SBF1: variants seen among roughly 807,000 people sequenced by gnomAD.
SBF1 encodes myotubularin-related protein 5.
Under a neutral mutation model 215.8 loss-of-function variants are expected in SBF1, and 65 were observed. The ratio of observed to expected loss-of-function variants is 0.30; its 90% confidence interval spans 0.25 to 0.37. The LOEUF is 0.37. Among genes scored for constraint, SBF1 ranks in the 10% least tolerant of loss-of-function variants. The pLI, the probability that SBF1 is intolerant of heterozygous loss-of-function variation, is 1.00. For missense variants in SBF1, 2,634 were observed against 2,667.8 expected (o/e 0.99, Z 0.28); for synonymous variants, 1,410 against 1,122.8 (o/e 1.26, Z -5.11).
chr22:50,458,402 A>T (rs1000241515), intron 28 of SBF1, among the ~76,000 whole-genome samples: 1 of 150,022 alleles, frequency 6.7e-6, no homozygotes, highest in Non-Finnish European at 1.5e-5. Context: ...ACTGAGGGGG[A>T]CACGGGGAGG....
In SBF1 at chr22:50,456,575, C is replaced by A. The variant is rs1184847576; in HGVS notation, c.4003G>T (p.Ala1335Ser). The A allele has an allele frequency of 6.4e-7, 1 of 1,567,238 alleles. No homozygotes were observed. Among genetic ancestry groups the A allele is most frequent in the Non-Finnish European group, 8.6e-7 (1 of 1,158,058 alleles). Residue 1335 changes from alanine (A) to serine (S), a missense_variant, in exon 30 of 41, where the codon GCC (alanine) becomes TCC (serine). Physicochemically the swap from Ala to Ser is moderately conservative, Grantham distance 99. Coordinates refer to ENST00000380817, the MANE Select transcript of SBF1 (RefSeq NM_002972.4). The stretch of plus-strand genomic sequence containing the variant: ...CCCGGGTCGGGAGGGCCCCCGTTGG[C>A]CTGGGGTGGGGCCAGCGCGTCTCTG... ...AGRDALAPPQANGGPPDPGFL... is the reference protein window; with the variant it reads ...AGRDALAPPQSNGGPPDPGFL...
At position 50,446,894 on chromosome 22, in the gene SBF1, C is replaced by A. The variant is rs995192909; in HGVS notation, c.*248G>T. Reference sequence around the variant, plus strand: ...ACCAGCACACGCTGACGGGGCCGGACTATTTACAGGCCCATTGCGGGCTGT... The same window carrying A: ...ACCAGCACACGCTGACGGGGCCGGAATATTTACAGGCCCATTGCGGGCTGT... On this transcript the variant is annotated 3_prime_UTR_variant, in exon 41 of 41. Transcript: ENST00000380817. 32 of 742,298 alleles carry A rather than the reference C, an allele frequency of 4.3e-5. No individual in the cohort carries two copies. Among genetic ancestry groups the A allele is most frequent in the Non-Finnish European group, 5.9e-5 (24 of 406,606 alleles). The allele number at this position is 742,298 out of a possible 1,614,324, so 46.0% of individuals were successfully genotyped here.
Position 50,459,336 on chromosome 22 carries a change from C to A in SBF1, c.3745G>T (p.Val1249Phe), listed in dbSNP as rs749201163. Residue 1249 changes from valine (V) to phenylalanine (F), a missense_variant, in exon 28 of 41, where the codon GTC becomes TTC. Val to Phe is a conservative substitution (Grantham distance 50). Transcript: ENST00000380817. ...LEQEKYLQAVVSSMPRYADAS... is the reference protein window; with the variant it reads ...LEQEKYLQAVFSSMPRYADAS... Reference sequence around the variant, plus strand: ...TCGGCGTAGCGGGGCATGGAGCTGACCACAGCCTGCAGGTACTTCTCCTGC... The same window carrying A: ...TCGGCGTAGCGGGGCATGGAGCTGAACACAGCCTGCAGGTACTTCTCCTGC... The A allele has an allele frequency of 2.5e-6, 4 of 1,612,734 alleles. No individual in the cohort carries two copies. The highest frequency in any genetic ancestry group is 3.3e-5 in the Admixed American group (2 of 59,972).
chr22:50,456,559 G>A lies in SBF1; in HGVS notation c.4019C>T (p.Pro1340Leu), dbSNP rs1242646985. 2 of 1,583,012 alleles carry A rather than the reference G, an allele frequency of 1.3e-6. No homozygotes were observed. The highest frequency in any genetic ancestry group is 1.3e-5 in the African/African-American group (1 of 74,410). ...LAPPQANGGP[P>L]DPGFLRPQRA... ...CTGCGGACGCAGGAAGCCCGGGTCG[G>A]GAGGGCCCCCGTTGGCCTGGGGTGG... is the stretch of plus-strand genomic sequence containing the variant. The change falls in exon 30 of 41, where the codon CCC becomes CTC. Residue 1340 changes from proline (P) to leucine (L), a missense_variant. Pro to Leu is a moderately conservative substitution (Grantham distance 98). Coordinates refer to ENST00000380817, the MANE Select transcript of SBF1 (RefSeq NM_002972.4).
At position 50,455,351 on chromosome 22, in the gene SBF1, C is replaced by T. The variant is rs776854781; in HGVS notation, c.4427G>A (p.Arg1476His). ...DPFYRTLEGF[R>H]LLVEKEWLSF... is the part of the protein sequence containing the mutation. ...CAGCCACTCCTTCTCCACCAGCAGGCGAAAGCCCTCCAGCGTGCGGTAGAA... is the reference window on the plus strand; with the variant it reads ...CAGCCACTCCTTCTCCACCAGCAGGTGAAAGCCCTCCAGCGTGCGGTAGAA... Residue 1476 changes from arginine (R) to histidine (H), a missense_variant, in exon 33 of 41, where the codon CGC becomes CAC. Arg to His is a conservative substitution (Grantham distance 29). Coordinates refer to ENST00000380817, the MANE Select transcript of SBF1 (RefSeq NM_002972.4). The T allele has an allele frequency of 3.1e-6, 5 of 1,613,510 alleles. No individual in the cohort carries two copies. The highest frequency in any genetic ancestry group is 1.6e-4 in the Middle Eastern group (1 of 6,062).
At position 50,461,494 on chromosome 22, in the gene SBF1, C is replaced by T. The variant is rs968323187; in HGVS notation, c.2839+29G>A. ...TCCCAAAGACCTGGGGGAGAGGGGG[C>T]GACAGGGCCAGAGAGTCTGCAGGCT... On this transcript the variant is annotated intron_variant, in intron 22 of 40. Coordinates refer to ENST00000380817, the MANE Select transcript of SBF1 (RefSeq NM_002972.4). The T allele has an allele frequency of 3.2e-6, 5 of 1,563,736 alleles. No individual in the cohort carries two copies. The African/African-American group carries it at 5.4e-5, about 17-fold the overall frequency.
chr22:50,457,095 G>T lies in SBF1; in HGVS notation c.3843C>A (p.Ala1281=). The T allele has an allele frequency of 6.7e-7, 1 of 1,489,882 alleles. No homozygotes were observed. Among genetic ancestry groups the T allele is most frequent in the East Asian group, 2.7e-5 (1 of 36,516 alleles). 92.3% of individuals were successfully genotyped at this position (1,489,882 alleles called of 1,614,324 possible). Residue 1281 remains alanine (A), a synonymous_variant, in exon 29 of 41, where the codon GCC becomes GCA. Coordinates refer to ENST00000380817, the MANE Select transcript of SBF1 (RefSeq NM_002972.4). ...TGGGGTTGGACAGCGTGGTGACCCT[G>T]GCTCTGGGGCTGGGAACTGAGGGCA... The part of the protein sequence containing the change: ...HMGSHVPSPR[A]RVTTLSNPMA...
rs779453976 is a variant in SBF1 at position 50,448,543 on chromosome 22, A to C, written c.5151T>G (p.Arg1717=). Residue 1717 remains arginine, a splice_region_variant and synonymous_variant, in exon 37 of 41, where the codon CGT becomes CGG. Transcript: ENST00000380817. ...AQRLEGRPDG[R]GTPSSLLVST... ...GACGCTCACACTGGCCCTCACTCAC[A>C]CGGCCGTCTGGCCGGCCCTCGAGGC... 2.5e-6 allele frequency: 4 copies of C among 1,611,992 alleles called. No individual in the cohort carries two copies. In the East Asian group the frequency reaches 8.9e-5, roughly 36 times the overall value.
rs1333371777 is a variant in SBF1 at position 50,447,047 on chromosome 22, G to A, written c.*95C>T. 36 of 1,138,062 alleles carry A rather than the reference G, an allele frequency of 3.2e-5. No homozygotes were observed. Among genetic ancestry groups the A allele is most frequent in the Middle Eastern group, 2.8e-4 (1 of 3,510 alleles). The allele number at this position is 1,138,062 out of a possible 1,614,324, so 70.5% of individuals were successfully genotyped here. ...GGGGGCTCGGGGCCTCAATACTGTCGAGGGCCGGGGCTGTAAACATGGCCG... is the reference window on the plus strand; with the variant it reads ...GGGGGCTCGGGGCCTCAATACTGTCAAGGGCCGGGGCTGTAAACATGGCCG... On this transcript the variant is annotated 3_prime_UTR_variant, in exon 41 of 41. Coordinates refer to ENST00000380817, the MANE Select transcript of SBF1 (RefSeq NM_002972.4).
chr22:50,468,555 G>T, intron 1 of SBF1, 94 bp from the exon 2 acceptor site: 1 of 827,674 alleles, frequency 1.2e-6, no homozygotes, highest in Non-Finnish European at 1.8e-6. Context: ...CCACCCACTG[G>T]GCCCTCATCT....
chr22:50,459,117 G>T, intron 28 of SBF1, 138 bp downstream of exon 28: 1 of 1,288,266 alleles, frequency 7.8e-7, no homozygotes, highest in African/African-American at 1.5e-5. Flanking sequence ...CACCCGGAGG[G>T]CATGCTCCTC....
intron 1 of SBF1, among the ~76,000 whole-genome samples, chr22:50,473,933 G>C (rs953720847): frequency 3.3e-5 from 5 of 152,238 alleles, no homozygotes; most frequent in African/African-American, 1.2e-4. Context: ...GGGCTGCTGG[G>C]AGGAAGAGGT....
chr22:50,468,541 A>C, intron 1 of SBF1, 80 bp from the exon 2 acceptor site: 11 of 865,196 alleles, frequency 1.3e-5, no homozygotes, highest in African/African-American at 1.9e-5. Flanking sequence ...GGGTGGAAAC[A>C]TTCCCACCCA....
At position 50,465,963 on chromosome 22, in the gene SBF1, T is replaced by A; in HGVS notation, c.1009A>T (p.Met337Leu). The A allele has an allele frequency of 6.2e-7, 1 of 1,613,870 alleles. No homozygotes were observed. The highest frequency in any genetic ancestry group is 1.1e-5 in the South Asian group (1 of 91,084). The change falls in exon 9 of 41, where the codon ATG becomes TTG. Residue 337 changes from methionine to leucine, a missense_variant and splice_region_variant. Met to Leu is a conservative substitution (Grantham distance 15). Transcript: ENST00000380817. The stretch of plus-strand genomic sequence containing the variant: ...CGCTTGCCCATGGTGCCCCTCACCA[T>A]GCTCAGCACACTGTGCGTCTGACTC... ...LQSQTHSVLS[M>L]VLDPELELAD...
In SBF1 at chr22:50,446,125, C is replaced by T. The variant is rs147546081; in HGVS notation, c.*1017G>A. The T allele has an allele frequency of 0.013, 1,968 of 152,908 alleles. 32 individuals are homozygous for T. Among genetic ancestry groups the T allele is most frequent in the East Asian group, 0.084 (438 of 5,204 alleles). The allele number at this position is 152,908 out of a possible 1,614,324, so 9.5% of individuals were successfully genotyped here. A position where few individuals can be genotyped will look rare whatever the true frequency, so the allele number is the denominator to read the frequency against. On this transcript the variant is annotated 3_prime_UTR_variant, in exon 41 of 41. Transcript: ENST00000380817. ...CAGCTCAGCAGGTGAAGCCCTGGGC[C>T]TGGTGGGACTCAGGTTTGAATAGGA...
Position 50,446,356 on chromosome 22 carries a change from TCCCCCCCCCC to T in SBF1, c.*776_*785del, listed in dbSNP as rs781361309. Reference sequence around the variant, plus strand: ...CCTGCATTCCCCTGGGAGCCCACTGTCCCCCCCCCCCCCCCGCCTCCGGCCTCCATCCCTT... The same window carrying T: ...CCTGCATTCCCCTGGGAGCCCACTGTCCCCCGCCTCCGGCCTCCATCCCTT... On this transcript the variant is annotated 3_prime_UTR_variant, in exon 41 of 41. Coordinates refer to ENST00000380817, the MANE Select transcript of SBF1 (RefSeq NM_002972.4). 2 of 35,042 alleles carry T rather than the reference TCCCCCCCCCC, an allele frequency of 5.7e-5. No homozygotes were observed. Among genetic ancestry groups the T allele is most frequent in the South Asian group, 1.5e-3 (2 of 1,298 alleles). The allele number at this position is 35,042 out of a possible 1,614,324, so 2.2% of individuals were successfully genotyped here.
intron 10 of SBF1, 116 bp downstream of exon 10, chr22:50,465,647 G>A: frequency 6.2e-6 from 6 of 960,420 alleles, no homozygotes; most frequent in Non-Finnish European, 9.3e-6. Flanking sequence ...TCCTGCTTCT[G>A]CTACTGGAGC....
chr22:50,460,434 G>A lies in SBF1; in HGVS notation c.3147-26C>T, dbSNP rs187672163. 1.1e-4 allele frequency: 176 copies of A among 1,603,650 alleles called. 1 individual carries two copies. In the East Asian group the frequency reaches 3.8e-3, roughly 34 times the overall value. On this transcript the variant is annotated intron_variant, in intron 24 of 40. Transcript: ENST00000380817. ...CTGAGGCCCACGAGAGTCAGCAAAG[G>A]TGAGAGGAGGAGGGACAAAGATGAG...
rs2066847935 is a variant in SBF1 at position 50,446,947 on chromosome 22, C to T, written c.*195G>A. On this transcript the variant is annotated 3_prime_UTR_variant, in exon 41 of 41. Coordinates refer to ENST00000380817, the MANE Select transcript of SBF1 (RefSeq NM_002972.4). ...CTTGGCCACCTCCCGGCACGGTGCTCAGCTGTGACGCCAAAATAAGTTAGG... is the reference window on the plus strand; with the variant it reads ...CTTGGCCACCTCCCGGCACGGTGCTTAGCTGTGACGCCAAAATAAGTTAGG... 1 of 708,998 alleles carries T rather than the reference C, an allele frequency of 1.4e-6. No individual in the cohort carries two copies. The highest frequency in any genetic ancestry group is 1.7e-5 in the African/African-American group (1 of 57,434). 43.9% of individuals were successfully genotyped at this position (708,998 alleles called of 1,614,324 possible). A position where few individuals can be genotyped will look rare whatever the true frequency, so the allele number is the denominator to read the frequency against.
Sources: allele counts gnomAD v4.1 joint callset (sites outside exome capture counted in the v4.1 genomes callset), GRCh38; gene constraint gnomAD v4.1.1; transcripts MANE v1.5; gene names NCBI Gene and HGNC (gene_info 2026-07-23, HGNC 2026-07-21).